RHBDF1: variants seen among roughly 807,000 people sequenced by gnomAD.
The protein encoded by RHBDF1 is rhomboid 5 homolog 1.
In RHBDF1, 80 loss-of-function variants were observed where a neutral mutation model predicts 98.6. That is an observed-to-expected ratio of 0.81 (90% confidence interval 0.68 to 0.98). The LOEUF is 0.98. Among genes scored for constraint, RHBDF1 ranks in the 50% least tolerant of loss-of-function variants. The pLI is 0.00. For missense variants in RHBDF1, 1,116 were observed against 1,198.3 expected (o/e 0.93, Z 1.01); for synonymous variants, 512 against 486.8 (o/e 1.05, Z -0.68).
intron 1 of RHBDF1, among the ~76,000 whole-genome samples, chr16:67,504 C>A (rs1415782080): frequency 6.6e-6 from 1 of 152,204 alleles, no homozygotes; most frequent in Non-Finnish European, 1.5e-5. Context: ...GGCTCACACA[C>A]ATCCATGACT....
intron 1 of RHBDF1, among the ~76,000 whole-genome samples, chr16:68,128 C>T (rs1013334004): frequency 5.3e-5 from 8 of 152,162 alleles, no homozygotes; most frequent in South Asian, 2.1e-4. Context: ...AGGCACCAGC[C>T]GCCATGCCTC....
At position 62,537 on chromosome 16, in the gene RHBDF1, C is replaced by T. The variant is rs140757373; in HGVS notation, c.953+1G>A. 2 of 1,612,066 alleles carry T rather than the reference C, an allele frequency of 1.2e-6. No homozygotes were observed. The highest frequency in any genetic ancestry group is 1.7e-6 in the Non-Finnish European group (2 of 1,179,900). On this transcript the variant is annotated splice_donor_variant, in intron 7 of 17. Transcript: ENST00000262316. LOFTEE classifies it high-confidence loss of function. ...CCCTCTTCCCTGCCTGCCGCACTCACAGCATCAGGTGGCTGCGCTCAAGCT... is the reference window on the plus strand; with the variant it reads ...CCCTCTTCCCTGCCTGCCGCACTCATAGCATCAGGTGGCTGCGCTCAAGCT...
intron 1 of RHBDF1, among the ~76,000 whole-genome samples, chr16:70,142 G>A (rs1265638869): frequency 2.0e-5 from 3 of 152,206 alleles, no homozygotes; most frequent in African/African-American, 7.2e-5. Flanking sequence ...GGGACACCAA[G>A]TGCAGCTCAG....
At position 63,623 on chromosome 16, in the gene RHBDF1, T is replaced by TG. The variant is rs770127290; in HGVS notation, c.425dup (p.Leu143ThrfsTer28). ...CCAGCTGGCATGGCCCCACGTAGAGTGGGGGTGGCGTCTCGGTGCTGGTCA... is the reference window on the plus strand; with the variant it reads ...CCAGCTGGCATGGCCCCACGTAGAGTGGGGGGTGGCGTCTCGGTGCTGGTCA... On this transcript the variant is annotated frameshift_variant, in exon 4 of 18. Coordinates refer to ENST00000262316, the MANE Select transcript of RHBDF1 (RefSeq NM_022450.5). LOFTEE classifies it high-confidence loss of function. The TG allele has an allele frequency of 6.3e-7, 1 of 1,585,548 alleles. No individual in the cohort carries two copies. Among genetic ancestry groups the TG allele is most frequent in the Non-Finnish European group, 8.6e-7 (1 of 1,165,768 alleles).
chr16:67,297 G>A (rs1057351848), intron 1 of RHBDF1, among the ~76,000 whole-genome samples: 1 of 152,220 alleles, frequency 6.6e-6, no homozygotes, highest in African/African-American at 2.4e-5. Context: ...CTCTTAGTGA[G>A]GCCATTATGG....
rs781718939 is a variant in RHBDF1 at position 61,650 on chromosome 16, T to C, written c.1255A>G (p.Ile419Val). The C allele has an allele frequency of 3.1e-6, 5 of 1,613,322 alleles. No individual in the cohort carries two copies. Among genetic ancestry groups the C allele is most frequent in the Non-Finnish European group, 4.2e-6 (5 of 1,179,880 alleles). Reference sequence around the variant, plus strand: ...ATGCCATAGATGCACACGGCTAGGATGGTGACGAGCGAGTGCACGAAGGTA... The same window carrying C: ...ATGCCATAGATGCACACGGCTAGGACGGTGACGAGCGAGTGCACGAAGGTA... Reference protein sequence around the residue: ...WLTFVHSLVTILAVCIYGIAP... With the variant: ...WLTFVHSLVTVLAVCIYGIAP... The change falls in exon 9 of 18, where the codon ATC (isoleucine) becomes GTC (valine). Residue 419 changes from isoleucine to valine, a missense_variant. Ile to Val is a conservative substitution (Grantham distance 29, BLOSUM62 3). Transcript: ENST00000262316.
intron 1 of RHBDF1, among the ~76,000 whole-genome samples, chr16:70,015 G>T (rs374246899): frequency 1.3e-5 from 2 of 152,118 alleles, no homozygotes; most frequent in East Asian, 1.9e-4. Context: ...GGCAGGAGGG[G>T]GGGGGGCACT....
intron 1 of RHBDF1, 40 bp downstream of exon 1, chr16:72,473 C>A: frequency 1.0e-6 from 1 of 956,814 alleles, no homozygotes; most frequent in Admixed American, 6.2e-5. Context: ...CGGAACCCGC[C>A]CGCCCCCGGA....
intron 1 of RHBDF1, among the ~76,000 whole-genome samples, chr16:66,792 T>A (rs1897841585): frequency 6.6e-6 from 1 of 152,164 alleles, no homozygotes. Flanking sequence ...TGGCCTGGAA[T>A]CAGGGGCACG....
intron 3 of RHBDF1, chr16:64,366 G>C (rs1328900638): frequency 7.3e-7 from 1 of 1,376,908 alleles, no homozygotes; most frequent in Non-Finnish European, 9.6e-7. Flanking sequence ...CTGGCGCTGT[G>C]GGAAGGCCCT....
Position 62,639 on chromosome 16 carries a change from T to C in RHBDF1, c.852A>G (p.Pro284=), listed in dbSNP as rs750702527. Residue 284 remains proline (P), a synonymous_variant, in exon 7 of 18, where the codon CCA becomes CCG. Transcript: ENST00000262316. ...STYPDEVFES[P]SEAALKDWEK... Reference sequence around the variant, plus strand: ...CCCAGTCCTTTAGCGCTGCCTCCGATGGGGACTCGAAAACTTCATCCGGGT... The same window carrying C: ...CCCAGTCCTTTAGCGCTGCCTCCGACGGGGACTCGAAAACTTCATCCGGGT... The C allele has an allele frequency of 7.4e-6, 12 of 1,613,956 alleles. No homozygotes were observed. The highest frequency in any genetic ancestry group is 1.3e-5 in the African/African-American group (1 of 74,944).
At chr16:70,016 G>A (rs1453080885) in intron 1 of RHBDF1, among the ~76,000 whole-genome samples, 1 of 151,810 alleles carries the variant, frequency 6.6e-6, no homozygotes, top group Non-Finnish European at 1.5e-5. Context: ...GCAGGAGGGG[G>A]GGGGGCACTG....
intron 3 of RHBDF1, 193 bp downstream of exon 3, chr16:64,506 A>G (rs1254527283): frequency 6.5e-7 from 1 of 1,539,238 alleles, no homozygotes; most frequent in Non-Finnish European, 8.8e-7. Context: ...AAGAGAAGGG[A>G]GTGGAGCAGG....
At chr16:72,780 C>G, upstream of RHBDF1, 1 of 781,248 alleles carries the variant, frequency 1.3e-6, no homozygotes, top group Non-Finnish European at 1.5e-6. Flanking sequence ...CCCCAGGGTC[C>G]GCCTGCGGGG....
chr16:63,048 G>A lies in RHBDF1; in HGVS notation c.597C>T (p.Phe199=), dbSNP rs749462383. 1 of 1,612,988 alleles carries A rather than the reference G, an allele frequency of 6.2e-7. No individual in the cohort carries two copies. Among genetic ancestry groups the A allele is most frequent in the Non-Finnish European group, 8.5e-7 (1 of 1,179,842 alleles). Residue 199 remains phenylalanine (F), a synonymous_variant, in exon 5 of 18, where the codon TTC becomes TTT. Coordinates refer to ENST00000262316, the MANE Select transcript of RHBDF1 (RefSeq NM_022450.5). ...GCTTGCGCCGCCGCGGGAGCCGGTGGAAACCTGAGCGGGAGCTGGAGAAGG... is the reference window on the plus strand; with the variant it reads ...GCTTGCGCCGCCGCGGGAGCCGGTGAAAACCTGAGCGGGAGCTGGAGAAGG... The part of the protein sequence containing the change: ...LCSFSSSRSG[F]HRLPRRRKRE...
chr16:62,909 G>A lies in RHBDF1; in HGVS notation c.673-12C>T, dbSNP rs199610665. ...CTAACGGAGCGGCCCTGGGGACGGGGAAGTGAGCATGAGACCCGGCTGCTG... is the reference window on the plus strand; with the variant it reads ...CTAACGGAGCGGCCCTGGGGACGGGAAAGTGAGCATGAGACCCGGCTGCTG... On this transcript the variant is annotated splice_polypyrimidine_tract_variant and intron_variant, in intron 5 of 17. Coordinates refer to ENST00000262316, the MANE Select transcript of RHBDF1 (RefSeq NM_022450.5). The A allele has an allele frequency of 1.2e-5, 19 of 1,613,532 alleles. No individual in the cohort carries two copies. In the African/African-American group the frequency reaches 1.9e-4, roughly 16 times the overall value.
chr16:74,040 T>G, upstream of RHBDF1: 6 of 659,234 alleles, frequency 9.1e-6, no homozygotes, highest in Non-Finnish European at 1.1e-5. Flanking sequence ...ACAATTCTCA[T>G]GTAGAAGGAG....
intron 13 of RHBDF1, 70 bp downstream of exon 13, chr16:60,146 T>A (rs1897552990): frequency 1.2e-5 from 19 of 1,610,126 alleles, no homozygotes; most frequent in South Asian, 8.8e-5. Flanking sequence ...GTATCACCAG[T>A]GGGTGGGGTG....
At chr16:73,984 G>A (rs565679756), upstream of RHBDF1, 18 of 982,396 alleles carry the variant, frequency 1.8e-5, no homozygotes, top group East Asian at 1.1e-4. Flanking sequence ...GGGATAGGGC[G>A]GTGCCTGCAC....
Sources: gnomAD v4.1 joint callset for allele counts (sites outside exome capture counted in the v4.1 genomes callset) on GRCh38, gnomAD v4.1.1 for gene constraint, MANE v1.5 for transcripts, NCBI Gene and HGNC (gene_info 2026-07-23, HGNC 2026-07-21) for gene names.